The following CHSY3 variants were observed in gnomAD, a reference collection of about 807,000 sequenced individuals.
The protein encoded by CHSY3 is chondroitin sulfate synthase 3.
Under a neutral mutation model 67.2 loss-of-function variants are expected in CHSY3, and 35 were observed. The observed-to-expected ratio is 0.52, with a 90% CI of 0.40 to 0.69. CHSY3 has a LOEUF of 0.69. CHSY3 is among the 30% of genes least tolerant of loss of function. The probability of loss-of-function intolerance (pLI) is 0.00; values close to 1 mark genes in which losing one functional copy is unlikely to be tolerated. For missense variants in CHSY3, 1,069 were observed against 1,138.5 expected, an observed-to-expected ratio of 0.94 and a Z score of 0.88; for synonymous variants, 474 against 434.7, an observed-to-expected ratio of 1.09 and a Z score of -1.12.
At chr5:130,094,224 A>C (rs1210442668) in intron 2 of CHSY3, among the ~76,000 whole-genome samples, 1 of 152,146 alleles carries the variant, frequency 6.6e-6, no homozygotes, top group Non-Finnish European at 1.5e-5. Context: ...GATGGTGCTG[A>C]ACTATAAACT....
intron 2 of CHSY3, among the ~76,000 whole-genome samples, chr5:129,919,031 CG>C: frequency 7.8e-6 from 1 of 127,504 alleles, no homozygotes; most frequent in East Asian, 2.5e-4. Context: ...GGCGTGAACC[CG>C]GGAGGCGGAG....
At chr5:130,177,637 G>T (rs1770096350) in intron 2 of CHSY3, among the ~76,000 whole-genome samples, 1 of 151,904 alleles carries the variant, frequency 6.6e-6, no homozygotes. Context: ...GCTGCTTTTT[G>T]AGCCTTTTAT....
At chr5:130,178,251 ATATTT>A (rs1417683191) in intron 2 of CHSY3, among the ~76,000 whole-genome samples, 57 of 62,718 alleles carry the variant, frequency 9.1e-4, no homozygotes, top group African/African-American at 4.4e-3. Context: ...ATATATATAT[ATATTT>A]TTTTTTTTTT....
At chr5:130,064,747 A>G (rs181215433) in intron 2 of CHSY3, among the ~76,000 whole-genome samples, 2 of 152,310 alleles carry the variant, frequency 1.3e-5, no homozygotes, top group Admixed American at 1.3e-4. Context: ...TGCAGGGTCT[A>G]GAAAGTTAAG....
chr5:129,926,316 T>C (rs549935901), intron 2 of CHSY3, among the ~76,000 whole-genome samples: 6 of 152,148 alleles, frequency 3.9e-5, no homozygotes, highest in Non-Finnish European at 8.8e-5. Context: ...AAAGTTTCCA[T>C]CTGAAATGTC....
chr5:130,159,491 G>A (rs1182137269), intron 2 of CHSY3, among the ~76,000 whole-genome samples: 1 of 152,160 alleles, frequency 6.6e-6, no homozygotes, highest in African/African-American at 2.4e-5. Context: ...ATTTTTAAAA[G>A]CATGTTTTAT....
At chr5:129,906,141 T>G (rs1354827036) in intron 1 of CHSY3, among the ~76,000 whole-genome samples, 3 of 152,186 alleles carry the variant, frequency 2.0e-5, no homozygotes, top group Non-Finnish European at 4.4e-5. Flanking sequence ...CTTTTGGAAC[T>G]GCTCAGATTG....
intron 2 of CHSY3, among the ~76,000 whole-genome samples, chr5:129,910,979 AT>A (rs80188117): frequency 0.44 from 59,513 of 135,204 alleles, 12,229 homozygotes; most frequent in Middle Eastern, 0.58. Flanking sequence ...AAATTTTAGG[AT>A]TTTTTTTTTT....
chr5:129,912,174 C>T (rs1007524319), intron 2 of CHSY3, among the ~76,000 whole-genome samples: 17 of 152,066 alleles, frequency 1.1e-4, no homozygotes, highest in African/African-American at 4.1e-4. Flanking sequence ...ATATATATAA[C>T]TGAATTTGAG....
At chr5:130,059,496 T>G (rs927802181) in intron 2 of CHSY3, among the ~76,000 whole-genome samples, 2 of 151,662 alleles carry the variant, frequency 1.3e-5, no homozygotes, top group African/African-American at 4.8e-5. Flanking sequence ...CATTGTTCTA[T>G]TTCACTAGAG....
chr5:130,027,762 G>A (rs1764590180), intron 2 of CHSY3, among the ~76,000 whole-genome samples: 1 of 152,004 alleles, frequency 6.6e-6, no homozygotes, highest in South Asian at 2.1e-4. Flanking sequence ...GAGAATGATG[G>A]TTTCCAGCTT....
At chr5:130,122,491 C>T (rs905007256) in intron 2 of CHSY3, among the ~76,000 whole-genome samples, 4 of 152,120 alleles carry the variant, frequency 2.6e-5, no homozygotes, top group African/African-American at 9.7e-5. Context: ...TTTTTGTCCT[C>T]TAACAGCCTG....
At chr5:129,925,888 TA>T (rs1186637974) in intron 2 of CHSY3, among the ~76,000 whole-genome samples, 1 of 112,592 alleles carries the variant, frequency 8.9e-6, no homozygotes, top group East Asian at 3.0e-4. Context: ...TGTGTGTGTA[TA>T]TATGTGTGTG....
intron 2 of CHSY3, among the ~76,000 whole-genome samples, chr5:129,983,930 CA>C (rs1218050695): frequency 2.6e-5 from 4 of 152,100 alleles, no homozygotes; most frequent in African/African-American, 9.6e-5. Flanking sequence ...GAACATTGAA[CA>C]AAACATCCTA....
intron 2 of CHSY3, among the ~76,000 whole-genome samples, chr5:130,135,874 A>G (rs1768644877): frequency 6.6e-6 from 1 of 152,218 alleles, no homozygotes; most frequent in Non-Finnish European, 1.5e-5. Context: ...TTTTGCGTAT[A>G]TAATTGTTTA....
intron 2 of CHSY3, among the ~76,000 whole-genome samples, chr5:130,081,710 G>A (rs1292208908): frequency 6.6e-6 from 1 of 151,946 alleles, no homozygotes; most frequent in Non-Finnish European, 1.5e-5. Flanking sequence ...CTGCACAAGC[G>A]CTCTTGCCTT....
At chr5:130,084,820 T>C (rs1181747933) in intron 2 of CHSY3, among the ~76,000 whole-genome samples, 1 of 151,936 alleles carries the variant, frequency 6.6e-6, no homozygotes, top group Non-Finnish European at 1.5e-5. Flanking sequence ...TGAGAGACTT[T>C]ATCTAAAGAC....
At chr5:130,069,452 C>G (rs1053356020) in intron 2 of CHSY3, among the ~76,000 whole-genome samples, 1 of 151,808 alleles carries the variant, frequency 6.6e-6, no homozygotes, top group Non-Finnish European at 1.5e-5. Flanking sequence ...GAGTTCAAGA[C>G]CAGCCTGAGC....
intron 2 of CHSY3, among the ~76,000 whole-genome samples, chr5:129,980,989 G>A (rs547485995): frequency 1.9e-4 from 28 of 150,308 alleles, no homozygotes; most frequent in Admixed American, 1.8e-3. Context: ...GGCGGATTAC[G>A]AGGTAAGGAG....
Sources: allele counts gnomAD v4.1 joint callset (sites outside exome capture counted in the v4.1 genomes callset), GRCh38; gene constraint gnomAD v4.1.1; transcripts MANE v1.5; gene names NCBI Gene and HGNC (gene_info 2026-07-23, HGNC 2026-07-21).